The following PUDP variants were observed in gnomAD, a reference collection of about 807,000 sequenced individuals.
PUDP encodes the protein pseudouridine-5'-phosphatase.
In PUDP, 8 loss-of-function variants were observed where a neutral mutation model predicts 9.4. That is an observed-to-expected ratio of 0.85 (90% CI 0.50 to 1.53). The LOEUF (loss-of-function observed/expected upper bound fraction) is 1.53, where lower values mean the gene tolerates loss of function less well. PUDP is among the 40% of genes most tolerant of loss of function. The pLI, the probability that PUDP is intolerant of heterozygous loss-of-function variation, is 0.00. For synonymous variants in PUDP, 99 were observed against 80.7 expected (o/e 1.23, Z -1.22); for missense variants, 188 against 189.7 (o/e 0.99, Z 0.05).
At chrX:6,844,055 T>C (rs1320268140) in intron 3 of PUDP, among the ~76,000 whole-genome samples, 1 of 112,598 alleles carries the variant, frequency 8.9e-6, no homozygotes, top group African/African-American at 3.2e-5. Context: ...TTCCAGATCC[T>C]AGAGGCTGCC....
At chrX:6,721,964 A>G (rs1428913176), upstream of PUDP, among the ~76,000 whole-genome samples, 2 of 111,500 alleles carry the variant, frequency 1.8e-5, no homozygotes, top group East Asian at 5.6e-4. Flanking sequence ...CACTTAGCAG[A>G]ATAAGGAGAC....
At chrX:6,795,445 C>T (rs1268054846) in intron 3 of PUDP, among the ~76,000 whole-genome samples, 2 of 111,267 alleles carry the variant, frequency 1.8e-5, no homozygotes, top group African/African-American at 6.5e-5. Flanking sequence ...CTTTCCTTAA[C>T]TGCAGTTCCT....
In PUDP at chrX:7,005,566, C is replaced by T. The variant is rs766705548; in HGVS notation, c.205-27223G>A. ...CTGGGACCACAAGCATGAACCACCA[C>T]GCCCAACTAATTTTTATATTTTTGG... On this transcript the variant is annotated intron_variant and NMD_transcript_variant, in intron 1 of 3. Transcript: ENST00000655425. Among the ~76,000 whole-genome samples the T allele has an allele frequency of 1.6e-4, 17 of 109,173 alleles. 1 individual carries two copies. Among genetic ancestry groups the T allele is most frequent in the African/African-American group, 5.7e-4 (17 of 29,815 alleles). 94.8% of individuals were successfully genotyped at this position (109,173 alleles called of 115,157 possible).
chrX:6,789,711 CAA>C (rs929556569), intron 3 of PUDP, among the ~76,000 whole-genome samples: 1 of 108,474 alleles, frequency 9.2e-6, no homozygotes, highest in African/African-American at 3.3e-5. Context: ...GAGGAAAAAT[CAA>C]AGAGGTGGGG....
intron 3 of PUDP, among the ~76,000 whole-genome samples, chrX:6,749,289 T>C (rs938206870): frequency 2.7e-5 from 3 of 111,760 alleles, no homozygotes; most frequent in African/African-American, 9.8e-5. Context: ...CAACACCAGT[T>C]AATTTTGGTG....
chrX:6,896,177 C>T (rs748174188), intron 3 of PUDP, among the ~76,000 whole-genome samples: 3 of 111,607 alleles, frequency 2.7e-5, no homozygotes, highest in Non-Finnish European at 3.8e-5. Context: ...TAGGCTGAAA[C>T]TTGATTTTTT....
At chrX:6,941,617 C>T (rs1054688309) in intron 3 of PUDP, among the ~76,000 whole-genome samples, 2 of 111,146 alleles carry the variant, frequency 1.8e-5, no homozygotes, top group Non-Finnish European at 3.8e-5. Context: ...GTGTGAGCCA[C>T]CATGCCTGGC....
chrX:7,033,164 C>T (rs1929812901), intron 1 of PUDP, among the ~76,000 whole-genome samples: 1 of 111,642 alleles, frequency 9.0e-6, no homozygotes, highest in Non-Finnish European at 1.9e-5. Context: ...AGTTCTTCAA[C>T]TTTGGGAGTC....
chrX:6,881,076 G>A (rs749538850), intron 3 of PUDP, among the ~76,000 whole-genome samples: 7 of 112,448 alleles, frequency 6.2e-5, no homozygotes, highest in Admixed American at 2.8e-4. Context: ...ACTTGAACTA[G>A]AAGTCTGGGC....
chrX:6,979,248 T>G (rs950997006), intron 1 of PUDP, among the ~76,000 whole-genome samples: 2 of 111,472 alleles, frequency 1.8e-5, no homozygotes, highest in African/African-American at 6.5e-5. Flanking sequence ...ATAAATACCA[T>G]GCAGGATCTT....
intron 3 of PUDP, among the ~76,000 whole-genome samples, chrX:6,742,004 T>C (rs1262058646): frequency 9.0e-6 from 1 of 110,571 alleles, no homozygotes; most frequent in Non-Finnish European, 1.9e-5. Flanking sequence ...TACAGGCACA[T>C]GGCACCACGC....
chrX:6,765,104 CAA>C (rs202172369), intron 3 of PUDP, among the ~76,000 whole-genome samples: 20 of 86,920 alleles, frequency 2.3e-4, no homozygotes, highest in African/African-American at 4.2e-4. Context: ...GCACCTCTAC[CAA>C]AAAAAAAAAA....
chrX:6,951,252 T>G (rs1414419608), intron 3 of PUDP, among the ~76,000 whole-genome samples: 17 of 104,594 alleles, frequency 1.6e-4, no homozygotes, highest in African/African-American at 6.6e-4. Flanking sequence ...ATCATATCTA[T>G]CTATCTATCT....
At chrX:6,919,277 C>A (rs764781409) in intron 3 of PUDP, among the ~76,000 whole-genome samples, 1 of 111,672 alleles carries the variant, frequency 9.0e-6, no homozygotes, top group Non-Finnish European at 1.9e-5. Flanking sequence ...CCACCAACAT[C>A]CATTTTTTCA....
At chrX:7,120,117 C>T (rs1293146126) in intron 1 of PUDP, among the ~76,000 whole-genome samples, 2 of 57,589 alleles carry the variant, frequency 3.5e-5, no homozygotes, top group African/African-American at 1.5e-4. Flanking sequence ...AGGAACTGAA[C>T]TTTACAACTC....
chrX:6,742,647 C>A (rs780761656), intron 3 of PUDP, among the ~76,000 whole-genome samples: 1 of 111,698 alleles, frequency 9.0e-6, no homozygotes, highest in Non-Finnish European at 1.9e-5. Flanking sequence ...GTGGAGCACA[C>A]GCCTGTAGTC....
chrX:7,085,595 A>G (rs1931239129), intron 2 of PUDP: 1 of 112,381 alleles, frequency 8.9e-6, no homozygotes, highest in South Asian at 3.7e-4. Context: ...AGGTATTTAC[A>G]AAGGGGTCCA....
intron 3 of PUDP, among the ~76,000 whole-genome samples, chrX:6,805,895 G>A (rs1325974890): frequency 9.0e-6 from 1 of 111,548 alleles, no homozygotes; most frequent in East Asian, 2.8e-4. Context: ...GGTGGACCAA[G>A]GGTGAAGTTT....
At chrX:6,937,036 C>T (rs1376118224) in intron 3 of PUDP, among the ~76,000 whole-genome samples, 2 of 105,410 alleles carry the variant, frequency 1.9e-5, no homozygotes, top group African/African-American at 3.4e-5. Flanking sequence ...GAATCAATAT[C>T]GTGAAAATGG....
Sources: allele counts gnomAD v4.1 joint callset (sites outside exome capture counted in the v4.1 genomes callset), GRCh38; gene constraint gnomAD v4.1.1; transcripts MANE v1.5; gene names NCBI Gene and HGNC (gene_info 2026-07-23, HGNC 2026-07-21).